Variants in IL1RAPL1 observed in about 807,000 individuals in gnomAD.
The protein encoded by IL1RAPL1 is interleukin-1 receptor accessory protein-like 1.
Under a neutral mutation model 48.4 loss-of-function variants are expected in IL1RAPL1, and 3 were observed. The ratio of observed to expected loss-of-function variants is 0.06; its 90% CI spans 0.03 to 0.16. The LOEUF (loss-of-function observed/expected upper bound fraction) is 0.16, where lower values mean the gene tolerates loss of function less well. Ranked by LOEUF, IL1RAPL1 falls within the 10% of genes least tolerant of loss-of-function variation. IL1RAPL1 has a pLI of 1.00. For synonymous variants in IL1RAPL1, 185 were observed against 187.7 expected, an observed-to-expected ratio of 0.99 and a Z score of 0.12; for missense variants, 349 against 530.6, an observed-to-expected ratio of 0.66 and a Z score of 3.36.
At chrX:28,713,059 A>AT (rs1332504571) in intron 1 of IL1RAPL1, among the ~76,000 whole-genome samples, 25 of 107,008 alleles carry the variant, frequency 2.3e-4, no homozygotes, top group East Asian at 5.9e-4. Context: ...AAATATATCT[A>AT]TTTTTTTTTT....
chrX:29,185,587 T>A (rs1209884098), intron 2 of IL1RAPL1, among the ~76,000 whole-genome samples: 2 of 112,025 alleles, frequency 1.8e-5, no homozygotes, highest in African/African-American at 6.5e-5. Context: ...GCTTTATTTG[T>A]TTATGACATA....
chrX:29,039,181 G>C (rs1486879847), intron 2 of IL1RAPL1, among the ~76,000 whole-genome samples: 1 of 110,911 alleles, frequency 9.0e-6, no homozygotes, highest in Admixed American at 9.6e-5. Flanking sequence ...ATAGATTCTG[G>C]AATAAACATG....
intron 5 of IL1RAPL1, among the ~76,000 whole-genome samples, chrX:29,646,660 A>T (rs192472846): frequency 9.0e-6 from 1 of 111,158 alleles, no homozygotes; most frequent in Admixed American, 9.6e-5. Flanking sequence ...AAGTCATATT[A>T]TAATTAACTG....
chrX:29,562,087 A>G (rs914847957), intron 5 of IL1RAPL1, among the ~76,000 whole-genome samples: 3 of 75,908 alleles, frequency 4.0e-5, no homozygotes, highest in African/African-American at 5.8e-5. Context: ...TATCTAATCT[A>G]TCTGTCTATC....
intron 6 of IL1RAPL1, among the ~76,000 whole-genome samples, chrX:29,771,002 C>G (rs1489220233): frequency 3.6e-5 from 4 of 111,954 alleles, no homozygotes; most frequent in Non-Finnish European, 7.5e-5. Flanking sequence ...ATTGTTGTTT[C>G]CTGTGAATGT....
intron 2 of IL1RAPL1, among the ~76,000 whole-genome samples, chrX:28,837,340 T>G (rs1180842765): frequency 9.0e-6 from 1 of 111,105 alleles, no homozygotes. Context: ...TGGCTGACAC[T>G]CCTCATTTTT....
intron 2 of IL1RAPL1, among the ~76,000 whole-genome samples, chrX:29,091,637 A>G (rs1211534893): frequency 9.0e-6 from 1 of 111,603 alleles, no homozygotes; most frequent in African/African-American, 3.3e-5. Flanking sequence ...CTGTGCAATC[A>G]TTTGAAATGA....
intron 1 of IL1RAPL1, among the ~76,000 whole-genome samples, chrX:28,636,814 G>C (rs1406393108): frequency 1.8e-5 from 2 of 111,780 alleles, no homozygotes; most frequent in Non-Finnish European, 3.8e-5. Flanking sequence ...TTGTCTCACT[G>C]ATCACAACTG....
At chrX:29,132,677 G>A (rs1188990300) in intron 2 of IL1RAPL1, among the ~76,000 whole-genome samples, 1 of 111,805 alleles carries the variant, frequency 8.9e-6, no homozygotes, top group Non-Finnish European at 1.9e-5. Flanking sequence ...TTTTTATCTT[G>A]TGGACATTGA....
At chrX:29,424,186 T>A (rs1380087714) in intron 5 of IL1RAPL1, among the ~76,000 whole-genome samples, 1 of 110,835 alleles carries the variant, frequency 9.0e-6, no homozygotes, top group African/African-American at 3.3e-5. Context: ...AAATTAAAAA[T>A]AAAAATCCAG....
chrX:29,135,154 T>G (rs1277012566), intron 2 of IL1RAPL1, among the ~76,000 whole-genome samples: 2 of 111,870 alleles, frequency 1.8e-5, no homozygotes, highest in Non-Finnish European at 3.8e-5. Flanking sequence ...TTGATGCATA[T>G]TTTAAGTCTC....
chrX:28,667,868 C>A (rs774509805), intron 1 of IL1RAPL1, among the ~76,000 whole-genome samples: 2 of 111,295 alleles, frequency 1.8e-5, no homozygotes, highest in Non-Finnish European at 3.8e-5. Flanking sequence ...GGGCACTAAT[C>A]CCATTCATGA....
chrX:29,307,004 G>A lies in IL1RAPL1; in HGVS notation c.362+23787G>A, dbSNP rs151311514. ...TGTTAAAACACAAAAGCCCTTTACC[G>A]TCTCTCCTGTAGCTACTACTTTAGT... On this transcript the variant is annotated intron_variant, in intron 3 of 10. Coordinates refer to ENST00000378993, the MANE Select transcript of IL1RAPL1 (RefSeq NM_014271.4). Among the ~76,000 whole-genome samples the A allele has an allele frequency of 2.1e-4, 23 of 110,347 alleles. No homozygotes were observed. In the East Asian group the frequency reaches 2.5e-3, roughly 12 times the overall value.
chrX:29,165,499 C>T (rs898530170), intron 2 of IL1RAPL1, among the ~76,000 whole-genome samples: 6 of 111,803 alleles, frequency 5.4e-5, no homozygotes, highest in Non-Finnish European at 1.1e-4. Context: ...TTAATTTTCA[C>T]TGTTCCTTTA....
At chrX:29,316,500 C>T (rs1932770883) in intron 3 of IL1RAPL1, among the ~76,000 whole-genome samples, 1 of 112,002 alleles carries the variant, frequency 8.9e-6, no homozygotes, top group South Asian at 3.7e-4. Flanking sequence ...ATGGCAAAAC[C>T]AGACTCTGTA....
chrX:29,900,738 A>G (rs1932480677), intron 6 of IL1RAPL1, among the ~76,000 whole-genome samples: 1 of 111,672 alleles, frequency 9.0e-6, no homozygotes, highest in Non-Finnish European at 1.9e-5. Flanking sequence ...TTAGGGGATT[A>G]GCAGGAGATA....
intron 2 of IL1RAPL1, among the ~76,000 whole-genome samples, chrX:29,227,763 C>T (rs1241997276): frequency 9.0e-6 from 1 of 111,730 alleles, no homozygotes; most frequent in Non-Finnish European, 1.9e-5. Context: ...CCACTGCTTA[C>T]TTCCTAGACA....
Position 28,836,368 on chromosome X carries a change from G to T in IL1RAPL1, c.82+46943G>T, listed in dbSNP as rs1234355960. On this transcript the variant is annotated intron_variant, in intron 2 of 10. Transcript: ENST00000378993. The stretch of plus-strand genomic sequence containing the variant: ...TATATATATATATATATATATGACA[G>T]AGAGAGAGAGAGAGAGAGACAGACA... Among the ~76,000 whole-genome samples, 326 of 72,570 alleles carry T rather than the reference G, an allele frequency of 4.5e-3. 4 individuals carry two copies. In the African/African-American group the frequency reaches 0.057, roughly 13 times the overall value. 63.0% of individuals were successfully genotyped at this position (72,570 alleles called of 115,157 possible).
At chrX:29,045,717 C>T (rs1421326942) in intron 2 of IL1RAPL1, among the ~76,000 whole-genome samples, 2 of 111,709 alleles carry the variant, frequency 1.8e-5, no homozygotes, top group Admixed American at 9.5e-5. Context: ...AGGCATGAGC[C>T]ACCATGCCCA....
Sources: allele counts gnomAD v4.1 joint callset (sites outside exome capture counted in the v4.1 genomes callset), GRCh38; gene constraint gnomAD v4.1.1; transcripts MANE v1.5; gene names NCBI Gene and HGNC (gene_info 2026-07-23, HGNC 2026-07-21).